FYB1: variants seen among roughly 807,000 people sequenced by gnomAD.
FYB1 encodes the protein FYN-binding protein 1.
A neutral mutation model predicts 94.1 loss-of-function variants in FYB1; 41 were observed. The ratio of observed to expected loss-of-function variants is 0.44; its 90% CI spans 0.34 to 0.57. FYB1 has a LOEUF of 0.57. Ranked by LOEUF, FYB1 falls within the 20% of genes least tolerant of loss-of-function variation. The pLI, the probability that FYB1 is intolerant of heterozygous loss-of-function variation, is 0.02. For missense variants in FYB1, 1,050 were observed against 976.8 expected, an observed-to-expected ratio of 1.07 and a Z score of -1.00; for synonymous variants, 367 against 353.2, an observed-to-expected ratio of 1.04 and a Z score of -0.44.
chr5:39,262,552 G>A (rs930873384), intron 1 of FYB1, among the ~76,000 whole-genome samples: 2 of 152,174 alleles, frequency 1.3e-5, no homozygotes, highest in Admixed American at 1.3e-4. Context: ...CTGATGGGAG[G>A]TAAATCATTA....
rs748439196 is a variant in FYB1 at position 39,202,256 on chromosome 5, G to A, written c.705C>T (p.Ser235=). The A allele has an allele frequency of 5.3e-5, 85 of 1,613,758 alleles. No homozygotes were observed. The highest frequency in any genetic ancestry group is 6.7e-5 in the Non-Finnish European group (79 of 1,179,886). Residue 235 remains serine (S), a synonymous_variant, in exon 2 of 19, where the codon AGC becomes AGT. Transcript: ENST00000512982. ...SPAPLGVRSK[S]GPLKPAREDS... ...CTTCCCTTGCTGGTTTTAAAGGGCC[G>A]CTTTTGGACCTGACTCCCAGGGGAG...
At chr5:39,196,531 A>C (rs930711642) in intron 2 of FYB1, among the ~76,000 whole-genome samples, 2 of 152,276 alleles carry the variant, frequency 1.3e-5, no homozygotes, top group South Asian at 2.1e-4. Flanking sequence ...TAAACTTGAG[A>C]AGCTAACAAA....
intron 1 of FYB1, among the ~76,000 whole-genome samples, chr5:39,262,335 CAT>C (rs1561316650): frequency 6.6e-6 from 1 of 152,026 alleles, no homozygotes; most frequent in Non-Finnish European, 1.5e-5. Flanking sequence ...GGATGAAACA[CAT>C]GAGAGATAAT....
chr5:39,173,203 C>T (rs1446600502), intron 2 of FYB1, among the ~76,000 whole-genome samples: 3 of 152,032 alleles, frequency 2.0e-5, no homozygotes, highest in Non-Finnish European at 2.9e-5. Flanking sequence ...TGATGATTAG[C>T]GATGTTGAGC....
chr5:39,225,027 G>A (rs576422014), intron 1 of FYB1, among the ~76,000 whole-genome samples: 1 of 152,264 alleles, frequency 6.6e-6, no homozygotes, highest in South Asian at 2.1e-4. Context: ...CCTTATAAAA[G>A]ATGTCAGCAA....
chr5:39,132,600 T>A (rs574439150), intron 9 of FYB1, among the ~76,000 whole-genome samples: 2 of 152,314 alleles, frequency 1.3e-5, no homozygotes, highest in East Asian at 3.9e-4. Context: ...TATGTATGGA[T>A]TCAATAAAAT....
At position 39,259,502 on chromosome 5, in the gene FYB1, G is replaced by A. The variant is rs573470030; in HGVS notation, c.-28+14901C>T. ...ATGAGAGAATGTGGAGTGAAGGCAG[G>A]TAGAAAGAAAACTAACCAACCGATC... On this transcript the variant is annotated intron_variant, in intron 1 of 1. Coordinates refer to the FYB1 transcript ENST00000510188. 2.0e-5 allele frequency among the ~76,000 whole-genome samples: 3 copies of A among 152,282 alleles called. No individual in the cohort carries two copies. The South Asian group carries it at 6.2e-4, about 32-fold the overall frequency.
At chr5:39,195,151 T>C (rs1457411717) in intron 2 of FYB1, among the ~76,000 whole-genome samples, 1 of 152,150 alleles carries the variant, frequency 6.6e-6, no homozygotes, top group Non-Finnish European at 1.5e-5. Flanking sequence ...CATCCCGGGA[T>C]CTCTTCTTTT....
intron 2 of FYB1, among the ~76,000 whole-genome samples, chr5:39,182,279 G>GCA (rs75494278): frequency 0.21 from 31,110 of 145,134 alleles, 3,509 homozygotes; most frequent in African/African-American, 0.26. Flanking sequence ...TTGTGTGTGT[G>GCA]TGCATGCATG....
chr5:39,112,123 G>T (rs1471726404), intron 16 of FYB1, among the ~76,000 whole-genome samples: 2 of 151,906 alleles, frequency 1.3e-5, no homozygotes, highest in Non-Finnish European at 2.9e-5. Context: ...CAAGCTTTTA[G>T]AACAAATTGT....
At chr5:39,167,002 A>G (rs537069457) in intron 2 of FYB1, among the ~76,000 whole-genome samples, 3 of 152,330 alleles carry the variant, frequency 2.0e-5, no homozygotes, top group South Asian at 2.1e-4. Flanking sequence ...TATAGCACAT[A>G]AACATAAGAT....
In FYB1 at chr5:39,245,664, T is replaced by C. The variant is rs138486106; in HGVS notation, c.-28+28739A>G. On this transcript the variant is annotated intron_variant, in intron 1 of 1. Coordinates refer to the FYB1 transcript ENST00000510188. ...CCCAGGCTGGAGTGCAGTGATATGA[T>C]CTCTGCTCACTGCAACCTCCACCTC... is the stretch of plus-strand genomic sequence containing the variant. Among the ~76,000 whole-genome samples, 980 of 151,768 alleles carry C rather than the reference T, an allele frequency of 6.5e-3. 15 individuals carry two copies. The highest frequency in any genetic ancestry group is 0.022 in the African/African-American group (929 of 41,294).
At chr5:39,264,534 T>C (rs1401241040) in intron 1 of FYB1, among the ~76,000 whole-genome samples, 1 of 152,200 alleles carries the variant, frequency 6.6e-6, no homozygotes, top group Non-Finnish European at 1.5e-5. Flanking sequence ...CTTGTCACTC[T>C]CTTCTTCTCT....
At chr5:39,123,074 T>C (rs540376979) in intron 13 of FYB1, among the ~76,000 whole-genome samples, 4 of 152,302 alleles carry the variant, frequency 2.6e-5, no homozygotes, top group Non-Finnish European at 5.9e-5. Flanking sequence ...TTCTTACTAA[T>C]AAAGTCAGGA....
chr5:39,142,589 A>T (rs990382486), intron 3 of FYB1, among the ~76,000 whole-genome samples: 1 of 152,108 alleles, frequency 6.6e-6, no homozygotes, highest in Admixed American at 6.5e-5. Context: ...CCTCAGCCCA[A>T]GTTACTGCCA....
chr5:39,111,506 A>T (rs1434461109), intron 16 of FYB1, among the ~76,000 whole-genome samples: 1 of 151,854 alleles, frequency 6.6e-6, no homozygotes, highest in East Asian at 1.9e-4. Flanking sequence ...AAAAGTTGGA[A>T]TCATAAAACT....
chr5:39,265,735 A>C (rs1054463741), intron 1 of FYB1, among the ~76,000 whole-genome samples: 6 of 152,214 alleles, frequency 3.9e-5, no homozygotes, highest in African/African-American at 1.4e-4. Context: ...ATTCTCATGC[A>C]TGCTAAAGTT....
intron 1 of FYB1, among the ~76,000 whole-genome samples, chr5:39,268,707 A>AGGCATGCGCC (rs1752539927): frequency 6.6e-6 from 1 of 152,022 alleles, no homozygotes; most frequent in South Asian, 2.1e-4. Flanking sequence ...CTGGGGTTAC[A>AGGCATGCGCC]GGCATGCGCC....
Position 39,248,412 on chromosome 5 carries a change from G to T in FYB1, c.-28+25991C>A, listed in dbSNP as rs12109857. Among the ~76,000 whole-genome samples, 991 of 152,228 alleles carry T rather than the reference G, an allele frequency of 6.5e-3. 15 individuals carry two copies. The highest frequency in any genetic ancestry group is 0.023 in the African/African-American group (940 of 41,524). On this transcript the variant is annotated intron_variant, in intron 1 of 1. Coordinates refer to the FYB1 transcript ENST00000510188. ...GAGGCAGGGCTTGACTGGGACAACA[G>T]GCTTCTTAGAAAAAGTGACACTTAG... is the stretch of plus-strand genomic sequence containing the variant.
Sources: gnomAD v4.1 joint callset for allele counts (sites outside exome capture counted in the v4.1 genomes callset) on GRCh38, gnomAD v4.1.1 for gene constraint, MANE v1.5 for transcripts, NCBI Gene and HGNC (gene_info 2026-07-23, HGNC 2026-07-21) for gene names.